Variants in PTPRT observed in about 807,000 individuals in gnomAD.
PTPRT encodes protein tyrosine phosphatase receptor type T, also known as receptor-type tyrosine-protein phosphatase T.
PTPRT carries 56 observed loss-of-function variants against 176.8 expected under a neutral mutation model. The observed-to-expected ratio is 0.32, with a 90% confidence interval of 0.26 to 0.40. The LOEUF (loss-of-function observed/expected upper bound fraction) is 0.40. PTPRT is among the 10% of genes least tolerant of loss of function. The pLI, the probability that PTPRT is intolerant of heterozygous loss-of-function variation, is 1.00. For synonymous variants in PTPRT, 783 were observed against 739.0 expected, an observed-to-expected ratio of 1.06 and a Z score of -0.96; for missense variants, 1,540 against 1,908.2, an observed-to-expected ratio of 0.81 and a Z score of 3.60.
intron 7 of PTPRT, among the ~76,000 whole-genome samples, chr20:42,569,895 T>A (rs1363319245): frequency 1.3e-5 from 2 of 152,218 alleles, no homozygotes; most frequent in Admixed American, 6.5e-5. Context: ...GTCACTGATA[T>A]TTTGTGCTCG....
Position 42,412,684 on chromosome 20 carries a change from T to C in PTPRT, c.1560+35536A>G, listed in dbSNP as rs77919309. On this transcript the variant is annotated intron_variant, in intron 9 of 30. Coordinates refer to ENST00000373187, the MANE Select transcript of PTPRT (RefSeq NM_007050.6). ...ATCCATGAATGGATGAACTGTGATA[T>C]ATTCATACAATCAAATACTACTCAG... is the stretch of plus-strand genomic sequence containing the variant. Among the ~76,000 whole-genome samples the C allele has an allele frequency of 2.5e-3, 378 of 152,314 alleles. 3 individuals are homozygous for C. The highest frequency in any genetic ancestry group is 8.4e-3 in the African/African-American group (350 of 41,574).
intron 2 of PTPRT, among the ~76,000 whole-genome samples, chr20:42,883,678 C>CACCCCACATACACACCCATA (rs1568658031): frequency 3.2e-5 from 3 of 95,204 alleles, no homozygotes; most frequent in African/African-American, 3.8e-5. Context: ...TACAAACACA[C>CACCCCACATACACACCCATA]GGACACACAC....
intron 7 of PTPRT, chr20:42,606,937 G>A (rs2073887388): frequency 6.6e-6 from 1 of 152,126 alleles, no homozygotes; most frequent in Non-Finnish European, 1.5e-5. Context: ...CTAAAATGTG[G>A]AAGCAACCCA....
chr20:42,770,758 A>G (rs1459880742), intron 5 of PTPRT, among the ~76,000 whole-genome samples: 2 of 152,174 alleles, frequency 1.3e-5, no homozygotes, highest in Non-Finnish European at 2.9e-5. Context: ...AAGCTATTCC[A>G]TTTGCCTCAG....
At chr20:42,926,140 T>C (rs576231302) in intron 1 of PTPRT, among the ~76,000 whole-genome samples, 1 of 152,290 alleles carries the variant, frequency 6.6e-6, no homozygotes, top group Admixed American at 6.5e-5. Context: ...GAGGGCCATA[T>C]CCCACCTTCA....
chr20:42,882,352 G>A (rs145988661), intron 2 of PTPRT, among the ~76,000 whole-genome samples: 760 of 152,250 alleles, frequency 5.0e-3, no homozygotes, highest in Middle Eastern at 0.01. Flanking sequence ...CCAGAAGATT[G>A]TATTAGCATG....
intron 16 of PTPRT, among the ~76,000 whole-genome samples, chr20:42,191,863 G>C (rs1307315824): frequency 6.6e-6 from 1 of 152,148 alleles, no homozygotes; most frequent in East Asian, 1.9e-4. Flanking sequence ...AACTAGATCT[G>C]AGTGTGAATT....
At chr20:42,679,741 C>A (rs1192863055) in intron 6 of PTPRT, among the ~76,000 whole-genome samples, 1 of 151,698 alleles carries the variant, frequency 6.6e-6, no homozygotes, top group Non-Finnish European at 1.5e-5. Flanking sequence ...ACTGCTTGAG[C>A]TTTATCATCA....
intron 1 of PTPRT, among the ~76,000 whole-genome samples, chr20:42,997,372 A>C (rs1214413616): frequency 1.3e-5 from 2 of 152,130 alleles, no homozygotes; most frequent in Non-Finnish European, 2.9e-5. Flanking sequence ...TGAGATGCTC[A>C]CTTTTAAAAC....
intron 17 of PTPRT, among the ~76,000 whole-genome samples, chr20:42,157,349 CTT>C (rs11480507): frequency 4.9e-5 from 7 of 142,434 alleles, no homozygotes; most frequent in Non-Finnish European, 4.6e-5. Flanking sequence ...TTTTCTTTTT[CTT>C]TTTTTTTTTT....
At chr20:42,693,838 C>G (rs532957092) in intron 6 of PTPRT, among the ~76,000 whole-genome samples, 1 of 152,236 alleles carries the variant, frequency 6.6e-6, no homozygotes, top group Admixed American at 6.5e-5. Flanking sequence ...AAGGGTTTCT[C>G]ACGCTACTCC....
At position 42,245,854 on chromosome 20, in the gene PTPRT, A is replaced by AC. The variant is rs760269973; in HGVS notation, c.2312+2832dup. On this transcript the variant is annotated intron_variant, in intron 14 of 30. Transcript: ENST00000373187. ...TGAATCTATTAGGAGCAGAAAAAAAACCCCGGAAAGTAACCATGTCCATGA... is the reference window on the plus strand; with the variant it reads ...TGAATCTATTAGGAGCAGAAAAAAAACCCCCGGAAAGTAACCATGTCCATGA... 6.6e-5 allele frequency among the ~76,000 whole-genome samples: 10 copies of AC among 152,192 alleles called. No homozygotes were observed. The South Asian group carries it at 8.3e-4, about 13-fold the overall frequency.
chr20:42,310,191 G>A (rs1359035852), intron 12 of PTPRT, among the ~76,000 whole-genome samples: 3 of 152,018 alleles, frequency 2.0e-5, no homozygotes, highest in Non-Finnish European at 4.4e-5. Context: ...TAGCAGGCAT[G>A]TCTGAACCAT....
intron 2 of PTPRT, among the ~76,000 whole-genome samples, chr20:42,832,700 G>GAAAAAAAAAAA (rs60235829): frequency 1.3e-5 from 1 of 75,512 alleles, no homozygotes; most frequent in East Asian, 4.2e-4. Flanking sequence ...AATACAGAAA[G>GAAAAAAAAAAA]AAAAAAAAAA....
intron 13 of PTPRT, chr20:42,270,259 G>C (rs1047657758): frequency 2.4e-5 from 18 of 735,146 alleles, no homozygotes; most frequent in Non-Finnish European, 4.2e-5. Context: ...TGTGTGGGTT[G>C]ATGGGTGAAT....
rs535626834 is a variant in PTPRT at position 42,226,549 on chromosome 20, C to A, written c.2342+9680G>T. The stretch of plus-strand genomic sequence containing the variant: ...TCAACATTGAGGGGCTTAACTAAAG[C>A]ATTTCCTTCCATTAAAAGCACTATT... On this transcript the variant is annotated intron_variant, in intron 15 of 30. Coordinates refer to ENST00000373187, the MANE Select transcript of PTPRT (RefSeq NM_007050.6). Among the ~76,000 whole-genome samples, 8 of 152,324 alleles carry A rather than the reference C, an allele frequency of 5.3e-5. No homozygotes were observed. The East Asian group carries it at 1.5e-3, about 29-fold the overall frequency.
intron 9 of PTPRT, among the ~76,000 whole-genome samples, chr20:42,357,649 C>G (rs188203029): frequency 3.3e-4 from 51 of 152,250 alleles, no homozygotes; most frequent in African/African-American, 1.2e-3. Flanking sequence ...TGGCTCATGT[C>G]TGAAATCCCA....
chr20:42,679,605 T>C (rs1286631870), intron 6 of PTPRT, among the ~76,000 whole-genome samples: 1 of 152,222 alleles, frequency 6.6e-6, no homozygotes, highest in Non-Finnish European at 1.5e-5. Flanking sequence ...GCCATTTTTA[T>C]TCTTCCATGT....
intron 1 of PTPRT, among the ~76,000 whole-genome samples, chr20:43,002,561 C>A (rs953541413): frequency 2.0e-5 from 3 of 152,054 alleles, no homozygotes; most frequent in Non-Finnish European, 4.4e-5. Flanking sequence ...ATTTACACTA[C>A]AAAAGCCAAA....
Sources: allele counts gnomAD v4.1 joint callset (sites outside exome capture counted in the v4.1 genomes callset), GRCh38; gene constraint gnomAD v4.1.1; transcripts MANE v1.5; gene names NCBI Gene and HGNC (gene_info 2026-07-23, HGNC 2026-07-21).